The following PRKCB variants were observed in gnomAD, a reference collection of about 807,000 sequenced individuals.
PRKCB encodes the protein protein kinase C beta.
In PRKCB, 13 loss-of-function variants were observed where a neutral mutation model predicts 81.5. The ratio of observed to expected loss-of-function variants is 0.16; its 90% CI spans 0.10 to 0.25. PRKCB has a LOEUF of 0.25. Among genes scored for constraint, PRKCB ranks in the 10% least tolerant of loss-of-function variants. The pLI is 1.00. For missense variants in PRKCB, 509 were observed against 875.7 expected, an observed-to-expected ratio of 0.58 and a Z score of 5.29; for synonymous variants, 335 against 321.4, an observed-to-expected ratio of 1.04 and a Z score of -0.45.
In PRKCB at chr16:23,969,899, G is replaced by C. The variant is rs538097960; in HGVS notation, c.206-18609G>C. 2.6e-5 allele frequency among the ~76,000 whole-genome samples: 4 copies of C among 152,280 alleles called. No individual in the cohort carries two copies. The South Asian group carries it at 6.2e-4, about 24-fold the overall frequency. On this transcript the variant is annotated intron_variant, in intron 2 of 16. Coordinates refer to ENST00000643927, the MANE Select transcript of PRKCB (RefSeq NM_002738.7). ...TGTGTACGTGGGGAAGGGTGGGCTT[G>C]TGCCTGACTCCAGGGACAGAGTGCT...
chr16:24,042,474 G>C (rs1468050597), intron 5 of PRKCB, among the ~76,000 whole-genome samples: 5 of 152,156 alleles, frequency 3.3e-5, no homozygotes, highest in Admixed American at 3.3e-4. Context: ...TAAGTTGAAA[G>C]AATTTTACAG....
intron 2 of PRKCB, among the ~76,000 whole-genome samples, chr16:23,937,578 T>C (rs1352367942): frequency 6.6e-6 from 1 of 152,132 alleles, no homozygotes; most frequent in African/African-American, 2.4e-5. Flanking sequence ...CTCAGTGAAA[T>C]ATCCATTAAC....
At chr16:23,877,184 TA>T (rs201029813) in intron 2 of PRKCB, among the ~76,000 whole-genome samples, 1 of 149,502 alleles carries the variant, frequency 6.7e-6, no homozygotes, top group Admixed American at 6.7e-5. Flanking sequence ...ACCCTGTCCT[TA>T]AAAAAAAACA....
chr16:23,936,331 T>C (rs1964057058), intron 2 of PRKCB, among the ~76,000 whole-genome samples: 1 of 152,106 alleles, frequency 6.6e-6, no homozygotes, highest in Non-Finnish European at 1.5e-5. Flanking sequence ...ATATTTGAAT[T>C]ACTTCCCCTG....
At chr16:24,195,495 G>A (rs930726652) in intron 16 of PRKCB, among the ~76,000 whole-genome samples, 1 of 152,186 alleles carries the variant, frequency 6.6e-6, no homozygotes, top group Admixed American at 6.5e-5. Flanking sequence ...AACAATAACA[G>A]AGGATTATGT....
At chr16:24,132,266 T>G (rs1322281463) in intron 9 of PRKCB, among the ~76,000 whole-genome samples, 1 of 152,200 alleles carries the variant, frequency 6.6e-6, no homozygotes, top group Admixed American at 6.5e-5. Flanking sequence ...GCATCCTGGC[T>G]TGCTCAGGGG....
intron 16 of PRKCB, chr16:24,203,370 ACCT>A (rs1278762710): frequency 1.3e-5 from 2 of 152,102 alleles, no homozygotes; most frequent in Non-Finnish European, 2.9e-5. Context: ...CTGCATAGTA[ACCT>A]GATAGAAGGC....
chr16:24,141,072 G>A (rs998894388), intron 9 of PRKCB, among the ~76,000 whole-genome samples: 2 of 152,204 alleles, frequency 1.3e-5, no homozygotes, highest in African/African-American at 4.8e-5. Context: ...ATGTTAAGCT[G>A]TTAACATGCC....
intron 1 of PRKCB, 158 bp from the exon 2 acceptor site, chr16:23,837,217 A>G (rs1043214922): frequency 1.2e-6 from 1 of 844,080 alleles, no homozygotes; most frequent in African/African-American, 1.7e-5. Flanking sequence ...GCTCCCACCT[A>G]CCCCCACAAA....
At chr16:24,195,463 T>C (rs1184504998) in intron 16 of PRKCB, among the ~76,000 whole-genome samples, 1 of 151,814 alleles carries the variant, frequency 6.6e-6, no homozygotes, top group East Asian at 1.9e-4. Flanking sequence ...TTAAATAGAG[T>C]GTGGTGAGAG....
chr16:24,152,010 T>G (rs1316378300), intron 9 of PRKCB, among the ~76,000 whole-genome samples: 3 of 151,912 alleles, frequency 2.0e-5, no homozygotes, highest in Non-Finnish European at 4.4e-5. Context: ...CTTCTCTCGT[T>G]TTGGTTGGGG....
In PRKCB at chr16:24,219,698, ACACAC is replaced by A; in HGVS notation, c.*4886_*4890del. The A allele has an allele frequency of 2.3e-6, 3 of 1,281,778 alleles. No individual in the cohort carries two copies. The highest frequency in any genetic ancestry group is 2.0e-6 in the Non-Finnish European group (2 of 1,008,306). 79.4% of individuals were successfully genotyped at this position (1,281,778 alleles called of 1,614,324 possible). A position where few individuals can be genotyped will look rare whatever the true frequency, so the allele number is the denominator to read the frequency against. ...CACACACACACACACACACACACAC[ACACAC>A]CACTTTATGGCAATTCTTAACTGAC... On this transcript the variant is annotated 3_prime_UTR_variant, in exon 17 of 17. Coordinates refer to ENST00000643927, the MANE Select transcript of PRKCB (RefSeq NM_002738.7).
chr16:23,996,643 G>A (rs1964960756), intron 3 of PRKCB, among the ~76,000 whole-genome samples: 1 of 152,188 alleles, frequency 6.6e-6, no homozygotes, highest in Non-Finnish European at 1.5e-5. Context: ...TGGACTTAGA[G>A]CATGCTTTAT....
intron 16 of PRKCB, among the ~76,000 whole-genome samples, chr16:24,192,483 T>G (rs1967808964): frequency 6.6e-6 from 1 of 151,988 alleles, no homozygotes; most frequent in Non-Finnish European, 1.5e-5. Context: ...AAAGGAAGAG[T>G]GAGCTCTTTG....
At chr16:23,843,940 C>T (rs1028373014) in intron 2 of PRKCB, among the ~76,000 whole-genome samples, 1 of 152,072 alleles carries the variant, frequency 6.6e-6, no homozygotes, top group African/African-American at 2.4e-5. Flanking sequence ...CTGTCTCTGT[C>T]TCTTTGTTTC....
chr16:23,844,101 C>A (rs1597205663), intron 2 of PRKCB, among the ~76,000 whole-genome samples: 1 of 152,180 alleles, frequency 6.6e-6, no homozygotes, highest in Non-Finnish European at 1.5e-5. Flanking sequence ...TATGGTCTGG[C>A]CTTTTAACTC....
chr16:23,942,694 A>C (rs1964154001), intron 2 of PRKCB, among the ~76,000 whole-genome samples: 1 of 152,222 alleles, frequency 6.6e-6, no homozygotes, highest in African/African-American at 2.4e-5. Flanking sequence ...AAAATACGAA[A>C]GCATGTCAAC....
intron 2 of PRKCB, among the ~76,000 whole-genome samples, chr16:23,956,009 T>TC (rs2141783945): frequency 6.6e-6 from 1 of 152,332 alleles, no homozygotes; most frequent in Non-Finnish European, 1.5e-5. Flanking sequence ...AGTTTGAAAA[T>TC]CTTCACCTTA....
intron 16 of PRKCB, among the ~76,000 whole-genome samples, chr16:24,196,236 A>G (rs1967876757): frequency 6.6e-6 from 1 of 152,242 alleles, no homozygotes; most frequent in African/African-American, 2.4e-5. Context: ...TGAATGAGTG[A>G]ATGGCCATAG....
Sources: allele counts gnomAD v4.1 joint callset (sites outside exome capture counted in the v4.1 genomes callset), GRCh38; gene constraint gnomAD v4.1.1; transcripts MANE v1.5; gene names NCBI Gene and HGNC (gene_info 2026-07-23, HGNC 2026-07-21).